SYN1: variants seen among roughly 807,000 people sequenced by gnomAD.
SYN1 encodes synapsin I, also known as synapsin-1.
SYN1 carries 8 observed loss-of-function variants against 44.6 expected under a neutral mutation model. That is an observed-to-expected ratio of 0.18 (90% CI 0.11 to 0.32). The LOEUF (loss-of-function observed/expected upper bound fraction) is 0.32. Among genes scored for constraint, SYN1 ranks in the 10% least tolerant of loss-of-function variants. SYN1 has a pLI of 1.00. For synonymous variants in SYN1, 275 were observed against 280.1 expected (o/e 0.98, Z 0.18); for missense variants, 451 against 639.4 (o/e 0.71, Z 3.18).
intron 5 of SYN1, among the ~76,000 whole-genome samples, chrX:47,594,641 A>G (rs776164084): frequency 2.7e-5 from 3 of 111,701 alleles, no homozygotes; most frequent in Non-Finnish European, 5.7e-5. Context: ...CTCTGAACAG[A>G]CAGGCCTTGC....
At chrX:47,583,601 C>T (rs750280481) in intron 5 of SYN1, 4 of 1,090,391 alleles carry the variant, frequency 3.7e-6, no homozygotes, top group South Asian at 2.3e-5. Flanking sequence ...CAGTGGGGCT[C>T]ACCATGGCAC....
chrX:47,575,890 G>A (rs1433395798), intron 9 of SYN1, among the ~76,000 whole-genome samples: 2 of 111,917 alleles, frequency 1.8e-5, no homozygotes, highest in African/African-American at 3.3e-5. Context: ...AAGATGTCTC[G>A]ATTCGCAGAG....
intron 6 of SYN1, among the ~76,000 whole-genome samples, chrX:47,577,229 G>A (rs1047091843): frequency 1.8e-5 from 2 of 110,942 alleles, no homozygotes; most frequent in African/African-American, 3.3e-5. Context: ...AAAAGGGGTC[G>A]ATGAGGTCAG....
chrX:47,604,275 T>G (rs1411865906), intron 5 of SYN1, among the ~76,000 whole-genome samples: 1 of 105,216 alleles, frequency 9.5e-6, no homozygotes, highest in Non-Finnish European at 2.0e-5. Flanking sequence ...GGAGGGAGGC[T>G]GAGGTGGGAC....
chrX:47,577,838 G>A (rs1030198611), intron 5 of SYN1, among the ~76,000 whole-genome samples: 2 of 101,332 alleles, frequency 2.0e-5, no homozygotes, highest in Non-Finnish European at 4.0e-5. Flanking sequence ...ATGGATGATA[G>A]TGAGGCAAGT....
chrX:47,596,625 A>T (rs1470753028), intron 5 of SYN1, among the ~76,000 whole-genome samples: 5 of 112,689 alleles, frequency 4.4e-5, no homozygotes, highest in Non-Finnish European at 9.4e-5. Context: ...GCTGACCACT[A>T]AGCTAACGGA....
At position 47,586,342 on chromosome X, in the gene SYN1, T is replaced by G. The variant is rs768332147; in HGVS notation, c.775-8841A>C. 818 of 752,173 alleles carry G rather than the reference T, an allele frequency of 1.1e-3. 1 individual carries two copies. The highest frequency in any genetic ancestry group is 1.2e-3 in the Non-Finnish European group (794 of 638,480). 62.0% of individuals were successfully genotyped at this position (752,173 alleles called of 1,213,427 possible). A position where few individuals can be genotyped will look rare whatever the true frequency, so the allele number is the denominator to read the frequency against. ...GGACACTGATTTACTGGCTTACTGT[T>G]ACCTTTCAGGACCCAGTGACATTTC... On this transcript the variant is annotated intron_variant, in intron 5 of 12. Transcript: ENST00000295987.
At chrX:47,598,558 T>A (rs1034122652) in intron 5 of SYN1, among the ~76,000 whole-genome samples, 1 of 111,758 alleles carries the variant, frequency 8.9e-6, no homozygotes, top group Non-Finnish European at 1.9e-5. Flanking sequence ...CCAGGTGCGG[T>A]GGCACACGCC....
At chrX:47,595,019 G>T (rs1189032400) in intron 5 of SYN1, among the ~76,000 whole-genome samples, 1 of 111,068 alleles carries the variant, frequency 9.0e-6, no homozygotes, top group Non-Finnish European at 1.9e-5. Flanking sequence ...GAGCCACTGC[G>T]CCTGGCTGTC....
intron 1 of SYN1, among the ~76,000 whole-genome samples, chrX:47,616,431 A>G (rs1462600293): frequency 8.9e-6 from 1 of 111,815 alleles, no homozygotes; most frequent in Non-Finnish European, 1.9e-5. Flanking sequence ...ACTTGTCAGT[A>G]TTCCATAGAT....
chrX:47,581,971 C>G (rs187475216), intron 5 of SYN1, among the ~76,000 whole-genome samples: 2 of 112,472 alleles, frequency 1.8e-5, no homozygotes, highest in Admixed American at 1.9e-4. Flanking sequence ...AATTTGTTTC[C>G]TCTCTGCCAC....
chrX:47,615,430 C>G (rs775954718), intron 1 of SYN1, among the ~76,000 whole-genome samples: 1 of 111,408 alleles, frequency 9.0e-6, no homozygotes, highest in African/African-American at 3.3e-5. Context: ...TATTACATAC[C>G]GTATGTCATA....
At chrX:47,590,978 A>C (rs1012149604) in intron 5 of SYN1, among the ~76,000 whole-genome samples, 1 of 111,947 alleles carries the variant, frequency 8.9e-6, no homozygotes, top group Non-Finnish European at 1.9e-5. Context: ...TTGCAACCTC[A>C]ACCTCCTGGG....
Position 47,604,684 on chromosome X carries a change from C to G in SYN1, c.774+294G>C, listed in dbSNP as rs531938566. ...ACTTAATTTCTATATGTAATATATT[C>G]TGATTCATTACATTAATTCTGTCAA... On this transcript the variant is annotated intron_variant, in intron 5 of 12. Coordinates refer to ENST00000295987, the MANE Select transcript of SYN1 (RefSeq NM_006950.3). 1.0e-3 allele frequency: 344 copies of G among 329,024 alleles called. 1 individual carries two copies. In the South Asian group the frequency reaches 0.015, roughly 14 times the overall value. The allele number at this position is 329,024 out of a possible 1,213,427, so 27.1% of individuals were successfully genotyped here.
intron 1 of SYN1, among the ~76,000 whole-genome samples, chrX:47,607,605 C>T (rs1016658205): frequency 7.4e-5 from 8 of 108,187 alleles, no homozygotes; most frequent in Non-Finnish European, 1.5e-4. Flanking sequence ...TGGCCAGGTA[C>T]GGTGGCTTAC....
At chrX:47,580,671 C>CA (rs1180767235) in intron 5 of SYN1, among the ~76,000 whole-genome samples, 1 of 108,254 alleles carries the variant, frequency 9.2e-6, no homozygotes, top group Non-Finnish European at 1.9e-5. Context: ...TGTGGTGGCT[C>CA]ACGCCTGTAA....
intron 9 of SYN1, among the ~76,000 whole-genome samples, chrX:47,575,858 A>G (rs191836868): frequency 1.8e-5 from 2 of 112,042 alleles, no homozygotes; most frequent in East Asian, 5.6e-4. Context: ...TTTAAAGGTT[A>G]CTAAGTGCCT....
chrX:47,573,100 C>T (rs1371846851), intron 12 of SYN1, 101 bp from the exon 13 acceptor site: 4 of 1,057,335 alleles, frequency 3.8e-6, no homozygotes, highest in Non-Finnish European at 5.2e-6. Context: ...CCAGCCCTGC[C>T]CCTCTGATCC....
chrX:47,615,811 G>A (rs1467356011), intron 1 of SYN1, among the ~76,000 whole-genome samples: 2 of 110,738 alleles, frequency 1.8e-5, no homozygotes, highest in African/African-American at 6.6e-5. Flanking sequence ...AGGCTCGCTT[G>A]AACCCAGGAG....
Sources: gnomAD v4.1 joint callset for allele counts (sites outside exome capture counted in the v4.1 genomes callset) on GRCh38, gnomAD v4.1.1 for gene constraint, MANE v1.5 for transcripts, NCBI Gene and HGNC (gene_info 2026-07-23, HGNC 2026-07-21) for gene names.